Variants in LRIT1 observed in about 807,000 individuals in gnomAD.
LRIT1 encodes the protein leucine-rich repeat, immunoglobulin-like domain and transmembrane domain-containing protein 1.
Under a neutral mutation model 24.0 loss-of-function variants are expected in LRIT1, and 23 were observed. The observed-to-expected ratio is 0.96, with a 90% CI of 0.69 to 1.36. LRIT1 has a LOEUF of 1.36. Among genes scored for constraint, LRIT1 ranks in the 40% most tolerant of loss-of-function variants. LRIT1 has a pLI of 0.00. For missense variants in LRIT1, 846 were observed against 806.3 expected, an observed-to-expected ratio of 1.05 and a Z score of -0.60; for synonymous variants, 361 against 340.5, an observed-to-expected ratio of 1.06 and a Z score of -0.66.
Position 84,234,061 on chromosome 10 carries a change from T to C in LRIT1, c.895+12A>G. On this transcript the variant is annotated intron_variant, in intron 3 of 3. Coordinates refer to ENST00000372105, the MANE Select transcript of LRIT1 (RefSeq NM_015613.3). ...CTAGGTTCTCAGTGCAGCATCCCTG[T>C]AGCTCACATACCTGTACCATTAAGG... 6.7e-7 allele frequency: 1 copy of C among 1,489,198 alleles called. No individual in the cohort carries two copies. The allele number at this position is 1,489,198 out of a possible 1,614,324, so 92.2% of individuals were successfully genotyped here. A position where few individuals can be genotyped will look rare whatever the true frequency, so the allele number is the denominator to read the frequency against.
rs1315601214 is a variant in LRIT1 at position 84,232,735 on chromosome 10, C to T, written c.1064G>A (p.Ser355Asn). The change falls in exon 4 of 4, where the codon AGT (serine) becomes AAT (asparagine). Residue 355 changes from serine to asparagine, a missense_variant. Physicochemically the swap from Ser to Asn is conservative, Grantham distance 46 (BLOSUM62 1). Coordinates refer to ENST00000372105, the MANE Select transcript of LRIT1 (RefSeq NM_015613.3). The part of the protein sequence containing the change: ...VTEPPTSTEH[S>N]GSPGALWART... The stretch of plus-strand genomic sequence containing the variant: ...TGCCCATAGTGCTCCTGGGCTCCCA[C>T]TGTGTTCTGTGGAAGTCGGTGGCTC... 9 of 1,614,092 alleles carry T rather than the reference C, an allele frequency of 5.6e-6. No individual in the cohort carries two copies. Among genetic ancestry groups the T allele is most frequent in the East Asian group, 2.2e-5 (1 of 44,878 alleles).
intron 3 of LRIT1, among the ~76,000 whole-genome samples, chr10:84,233,479 G>A (rs1267444804): frequency 1.4e-5 from 2 of 138,288 alleles, no homozygotes; most frequent in Non-Finnish European, 3.1e-5. Context: ...TGTTCTTAAG[G>A]GCCCTGGAAT....
chr10:84,234,562 T>C (rs1195935232), intron 2 of LRIT1, among the ~76,000 whole-genome samples, 184 bp from the exon 3 acceptor site: 1 of 152,192 alleles, frequency 6.6e-6, no homozygotes, highest in African/African-American at 2.4e-5. Context: ...TGTTAAATAG[T>C]AGCATTACTT....
Position 84,231,974 on chromosome 10 carries a change from C to T in LRIT1, c.1825G>A (p.Ala609Thr). 2 of 1,613,492 alleles carry T rather than the reference C, an allele frequency of 1.2e-6. No homozygotes were observed. The highest frequency in any genetic ancestry group is 2.2e-5 in the East Asian group (1 of 44,846). The change falls in exon 4 of 4, where the codon GCC becomes ACC. Residue 609 changes from alanine (A) to threonine (T), a missense_variant. Transcript: ENST00000372105. ...LSARSSVDFQ[A>T]FGVKGGRRIN... ...CTCCTGCCCCCTTTGACTCCAAAGG[C>T]CTGAAAGTCCACACTGGAACGAGCT...
chr10:84,241,184 T>C (rs1319315322), intron 1 of LRIT1, 134 bp downstream of exon 1: 1 of 1,332,614 alleles, frequency 7.5e-7, no homozygotes, highest in East Asian at 2.3e-5. Context: ...GTCCACCCCA[T>C]AGGATCCCTG....
Position 84,241,430 on chromosome 10 carries a change from C to G in LRIT1, c.10G>C (p.Ala4Pro). 4 of 1,589,312 alleles carry G rather than the reference C, an allele frequency of 2.5e-6. No individual in the cohort carries two copies. Among genetic ancestry groups the G allele is most frequent in the Non-Finnish European group, 3.4e-6 (4 of 1,169,152 alleles). MRV[A>P]LGMLWLLALA... ...GCCAAGAGCCAGAGCATGCCTAATG[C>G]CACCCTCATGGCTCCTGGCTCCTCT... is the stretch of plus-strand genomic sequence containing the variant. Residue 4 changes from alanine (A) to proline (P), a missense_variant, in exon 1 of 4, where the codon GCA becomes CCA. Transcript: ENST00000372105.
rs750160046 is a variant in LRIT1, at chr10:84,234,161, G to A, written c.807C>T (p.Gly269=). The change falls in exon 3 of 4, where the codon GGC becomes GGT. Residue 269 remains glycine (G), a synonymous_variant. Coordinates refer to ENST00000372105, the MANE Select transcript of LRIT1 (RefSeq NM_015613.3). ...TAGCTCCACAGCGTAGCAGTGCTGTGCCACCCAAAAGGGACCTGATGCTGG... is the reference window on the plus strand; with the variant it reads ...TAGCTCCACAGCGTAGCAGTGCTGTACCACCCAAAAGGGACCTGATGCTGG... ...GVASIRSLLG[G]TALLRCGATG... 3.1e-6 allele frequency: 5 copies of A among 1,613,832 alleles called. No individual in the cohort carries two copies. In the East Asian group the frequency reaches 1.1e-4, roughly 36 times the overall value.
At chr10:84,240,281 G>A (rs1455210017) in intron 1 of LRIT1, among the ~76,000 whole-genome samples, 1 of 152,196 alleles carries the variant, frequency 6.6e-6, no homozygotes, top group Non-Finnish European at 1.5e-5. Context: ...CTGGGGACAG[G>A]ACCCTTACAC....
Position 84,237,464 on chromosome 10 carries a change from G to A in LRIT1, c.345C>T (p.Pro115=), listed in dbSNP as rs774425912. 3 of 1,568,986 alleles carry A rather than the reference G, an allele frequency of 1.9e-6. No homozygotes were observed. Among genetic ancestry groups the A allele is most frequent in the Non-Finnish European group, 2.6e-6 (3 of 1,160,908 alleles). ...AGGGGAAGGCGGCCAGGCGGTTCCC[G>A]GGCAGCCGCAGCTCCCGCAGGCGTC... ...GLRRLRELRL[P]GNRLAAFPWA... The change falls in exon 2 of 4, where the codon CCC becomes CCT. Residue 115 remains proline, a synonymous_variant. Coordinates refer to ENST00000372105, the MANE Select transcript of LRIT1 (RefSeq NM_015613.3).
chr10:84,234,316 C>T lies in LRIT1; in HGVS notation c.652G>A (p.Gly218Ser), dbSNP rs1842630385. 6.2e-7 allele frequency: 1 copy of T among 1,605,506 alleles called. No homozygotes were observed. Among genetic ancestry groups the T allele is most frequent in the African/African-American group, 1.3e-5 (1 of 74,686 alleles). ...ATGAAGGCCAAGTTTGGGGCCCAGC[C>T]ATCCAAAAGATGAACCAGGTCATAG... ...RLYDLVHLLD[G>S]WAPNLAFIET... Residue 218 changes from glycine to serine, a missense_variant, in exon 3 of 4, where the codon GGC (glycine) becomes AGC (serine). By Grantham distance (56) the Gly-to-Ser change is moderately conservative. Transcript: ENST00000372105.
chr10:84,237,047 G>C (rs1249846003), intron 2 of LRIT1, among the ~76,000 whole-genome samples, 173 bp downstream of exon 2: 1 of 152,106 alleles, frequency 6.6e-6, no homozygotes, highest in Non-Finnish European at 1.5e-5. Flanking sequence ...ACTGCGATAT[G>C]AACTGCCACA....
Position 84,234,115 on chromosome 10 carries a change from T to C in LRIT1, c.853A>G (p.Met285Val). The change falls in exon 3 of 4, where the codon ATG becomes GTG. Residue 285 changes from methionine (M) to valine (V), a missense_variant. Transcript: ENST00000372105. The stretch of plus-strand genomic sequence containing the variant: ...CTGCCATTGGCCCTCCTCCAGCTCA[T>C]CTCGGGCCCAGGGACTCCAGTAGCT... ...CGATGVPGPE[M>V]SWRRANGRPL... The C allele has an allele frequency of 6.3e-7, 1 of 1,589,472 alleles. No homozygotes were observed. Among genetic ancestry groups the C allele is most frequent in the East Asian group, 2.2e-5 (1 of 44,490 alleles).
Position 84,232,118 on chromosome 10 carries a change from T to C in LRIT1, c.1681A>G (p.Asn561Asp). 6.2e-7 allele frequency: 1 copy of C among 1,614,178 alleles called. No homozygotes were observed. The highest frequency in any genetic ancestry group is 1.1e-5 in the South Asian group (1 of 91,080). Residue 561 changes from asparagine to aspartate, a missense_variant, in exon 4 of 4, where the codon AAC (asparagine) becomes GAC (aspartate). Asn to Asp is a conservative substitution (Grantham distance 23). Transcript: ENST00000372105. ...ACTGTGGCCTCAGTGGAGTCCTTGTTGAAGCACTTTCGGCAGCGCTTCTGA... is the reference window on the plus strand; with the variant it reads ...ACTGTGGCCTCAGTGGAGTCCTTGTCGAAGCACTTTCGGCAGCGCTTCTGA... ...ALQKRCRKCF[N>D]KDSTEATVTY...
At position 84,237,529 on chromosome 10, in the gene LRIT1, C is replaced by T. The variant is rs780866406; in HGVS notation, c.280G>A (p.Ala94Thr). Residue 94 changes from alanine (A) to threonine (T), a missense_variant, in exon 2 of 4, where the codon GCC becomes ACC. Physicochemically the swap from Ala to Thr is moderately conservative, Grantham distance 58. Coordinates refer to ENST00000372105, the MANE Select transcript of LRIT1 (RefSeq NM_015613.3). ...RLEQLWLPYNALSELNALMLR... is the reference protein window; with the variant it reads ...RLEQLWLPYNTLSELNALMLR... ...ATGAGGGCGTTGAGCTCGCTGAGGGCGTTGTAAGGCAGCCACAGCTGCTCC... is the reference window on the plus strand; with the variant it reads ...ATGAGGGCGTTGAGCTCGCTGAGGGTGTTGTAAGGCAGCCACAGCTGCTCC... The T allele has an allele frequency of 1.4e-5, 23 of 1,604,468 alleles. No individual in the cohort carries two copies. In the Admixed American group the frequency reaches 3.7e-4, roughly 26 times the overall value.
Position 84,241,382 on chromosome 10 carries a change from G to T in LRIT1, c.58C>A (p.Arg20=), listed in dbSNP as rs149315483. ...LLALAWPPQA[R]GFCPSQCSCS... ...CTGCATTGAGAGGGGCAGAAGCCCC[G>T]GGCCTGGGGGGGCCACGCAAGGGCC... Residue 20 remains arginine (R), a synonymous_variant, in exon 1 of 4, where the codon CGG becomes AGG. Transcript: ENST00000372105. 16 of 1,611,662 alleles carry T rather than the reference G, an allele frequency of 9.9e-6. No individual in the cohort carries two copies. The African/African-American group carries it at 1.7e-4, about 17-fold the overall frequency.
rs988663655 is a variant in LRIT1 at position 84,234,221 on chromosome 10, C to A, written c.747G>T (p.Arg249Ser). The A allele has an allele frequency of 6.2e-7, 1 of 1,613,984 alleles. No individual in the cohort carries two copies. Among genetic ancestry groups the A allele is most frequent in the Non-Finnish European group, 8.5e-7 (1 of 1,180,032 alleles). The change falls in exon 3 of 4, where the codon AGG (arginine) becomes AGT (serine). Residue 249 changes from arginine to serine, a missense_variant. Transcript: ENST00000372105. ...GATGGAGCTCTGGGCCCTGGCACTT[C>A]CTCAGTTCAAGCTGGCTGAAGGCCA... ...AGVAFSQLEL[R>S]KCQGPELHPG...
chr10:84,237,233 G>C lies in LRIT1; in HGVS notation c.576C>G (p.Pro192=), dbSNP rs559535361. The C allele has an allele frequency of 6.5e-7, 1 of 1,550,230 alleles. No homozygotes were observed. Among genetic ancestry groups the C allele is most frequent in the South Asian group, 1.2e-5 (1 of 84,008 alleles). ...ETGIFPPGHH[P]RRVLGLQDNP... ...GCCGACCCTTACCTAGGACCCGCCT[G>C]GGGTGGTGGCCGGGAGGAAAGATAC... is the stretch of plus-strand genomic sequence containing the variant. Residue 192 remains proline, a synonymous_variant, in exon 2 of 4, where the codon CCC becomes CCG. Coordinates refer to ENST00000372105, the MANE Select transcript of LRIT1 (RefSeq NM_015613.3).
chr10:84,237,760 G>T, intron 1 of LRIT1, 74 bp from the exon 2 acceptor site: 1 of 1,186,212 alleles, frequency 8.4e-7, no homozygotes, highest in Non-Finnish European at 1.2e-6. Context: ...ACCTCCCTTC[G>T]CGAGGCCTCC....
rs779698345 is a variant in LRIT1, at chr10:84,237,517, G to C, written c.292C>G (p.Leu98Val). The change falls in exon 2 of 4, where the codon CTC (leucine) becomes GTC (valine). Residue 98 changes from leucine to valine, a missense_variant. By Grantham distance (32) the Leu-to-Val change is conservative (BLOSUM62 1). Transcript: ENST00000372105. ...AGGCCCCGCAGCATGAGGGCGTTGAGCTCGCTGAGGGCGTTGTAAGGCAGC... is the reference window on the plus strand; with the variant it reads ...AGGCCCCGCAGCATGAGGGCGTTGACCTCGCTGAGGGCGTTGTAAGGCAGC... ...LWLPYNALSE[L>V]NALMLRGLRR... The C allele has an allele frequency of 1.6e-5, 25 of 1,603,396 alleles. No homozygotes were observed. The African/African-American group carries it at 2.9e-4, about 19-fold the overall frequency.
Sources: gnomAD v4.1 joint callset for allele counts (sites outside exome capture counted in the v4.1 genomes callset) on GRCh38, gnomAD v4.1.1 for gene constraint, MANE v1.5 for transcripts, NCBI Gene and HGNC (gene_info 2026-07-23, HGNC 2026-07-21) for gene names.